The following MSRA variants were observed in gnomAD, a reference collection of about 807,000 sequenced individuals.
MSRA encodes methionine sulfoxide reductase A, also known as mitochondrial peptide methionine sulfoxide reductase.
Under a neutral mutation model 31.3 loss-of-function variants are expected in MSRA, and 54 were observed. The ratio of observed to expected loss-of-function variants is 1.73; its 90% confidence interval spans 1.39 to 2.17. MSRA has a LOEUF of 2.17. MSRA is among the 30% of genes most tolerant of loss of function. The pLI is 0.00. For missense variants in MSRA, 507 were observed against 300.9 expected (o/e 1.69, Z -5.07); for synonymous variants, 169 against 116.5 (o/e 1.45, Z -2.90).
At chr8:10,093,724 C>T in intron 1 of MSRA, among the ~76,000 whole-genome samples, 1 of 152,064 alleles carries the variant, frequency 6.6e-6, no homozygotes, top group Non-Finnish European at 1.5e-5. Flanking sequence ...TCCTATATTT[C>T]TTCATTGATT....
intron 1 of MSRA, among the ~76,000 whole-genome samples, chr8:10,093,029 G>A (rs945407945): frequency 2.0e-5 from 3 of 151,960 alleles, no homozygotes; most frequent in Admixed American, 6.6e-5. Context: ...TTTTTGCATG[G>A]TATATATATT....
chr8:10,226,161 G>A (rs1810982612), intron 2 of MSRA, among the ~76,000 whole-genome samples: 2 of 152,166 alleles, frequency 1.3e-5, no homozygotes, highest in African/African-American at 4.8e-5. Context: ...CTGTTCAGGT[G>A]ACTATAGGGG....
chr8:10,055,675 G>T lies in MSRA; in HGVS notation c.142+1017G>T, dbSNP rs191684054. ...ATTAAGTGATGTTTAATCTACACATGGCTCAATGCCAGAGAAATTCAGCAT... is the reference window on the plus strand; with the variant it reads ...ATTAAGTGATGTTTAATCTACACATTGCTCAATGCCAGAGAAATTCAGCAT... On this transcript the variant is annotated intron_variant, in intron 1 of 5. Coordinates refer to ENST00000317173, the MANE Select transcript of MSRA (RefSeq NM_012331.5). Among the ~76,000 whole-genome samples the T allele has an allele frequency of 1.6e-3, 248 of 152,380 alleles. 1 individual carries two copies. The highest frequency in any genetic ancestry group is 9.7e-4 in the Non-Finnish European group (66 of 68,042).
chr8:10,055,501 C>T (rs1460713602), intron 1 of MSRA, among the ~76,000 whole-genome samples: 1 of 152,236 alleles, frequency 6.6e-6, no homozygotes, highest in Non-Finnish European at 1.5e-5. Flanking sequence ...CCTGCCGCAG[C>T]AGCAGCAGCA....
chr8:10,330,538 C>G (rs1484754062), intron 5 of MSRA, among the ~76,000 whole-genome samples: 3 of 152,156 alleles, frequency 2.0e-5, no homozygotes, highest in African/African-American at 7.2e-5. Context: ...TGTACAGATT[C>G]ATTGCCAGAC....
chr8:10,192,756 A>G (rs1807621553), intron 1 of MSRA, among the ~76,000 whole-genome samples: 1 of 152,256 alleles, frequency 6.6e-6, no homozygotes, highest in Non-Finnish European at 1.5e-5. Context: ...TCACTGAAAC[A>G]GTATTCTGTA....
intron 5 of MSRA, among the ~76,000 whole-genome samples, chr8:10,323,672 T>C (rs1362061159): frequency 6.6e-6 from 1 of 152,016 alleles, no homozygotes; most frequent in East Asian, 1.9e-4. Flanking sequence ...TTTGTAGAGG[T>C]TAATCTTGTA....
chr8:10,070,544 T>G (rs893595511), intron 1 of MSRA, among the ~76,000 whole-genome samples: 13 of 152,242 alleles, frequency 8.5e-5, no homozygotes, highest in African/African-American at 2.9e-4. Flanking sequence ...CTTGCAAAAC[T>G]ATAGTACGTC....
At chr8:10,196,590 C>T (rs1808009029) in intron 1 of MSRA, among the ~76,000 whole-genome samples, 1 of 152,096 alleles carries the variant, frequency 6.6e-6, no homozygotes, top group Non-Finnish European at 1.5e-5. Flanking sequence ...CGCTCTGTCA[C>T]CCAGGCTGGA....
At chr8:10,181,465 A>G (rs930876556) in intron 1 of MSRA, among the ~76,000 whole-genome samples, 6 of 151,040 alleles carry the variant, frequency 4.0e-5, no homozygotes, top group Non-Finnish European at 8.8e-5. Context: ...AAACAATGGG[A>G]GAGGAAATGA....
At position 10,427,485 on chromosome 8, in the gene MSRA, C is replaced by G. The variant is rs562137891; in HGVS notation, c.544-663C>G. ...GCCACAGGCCACATCCTGCCCTGCC[C>G]TGACTCCCCAGGCTCCCTGGCCTGG... On this transcript the variant is annotated intron_variant, in intron 5 of 5. Transcript: ENST00000317173. 3.0e-4 allele frequency among the ~76,000 whole-genome samples: 45 copies of G among 152,326 alleles called. 2 individuals are homozygous for G. In the South Asian group the frequency reaches 7.9e-3, roughly 27 times the overall value.
At chr8:10,416,528 G>A (rs1043125538) in intron 5 of MSRA, among the ~76,000 whole-genome samples, 7 of 152,230 alleles carry the variant, frequency 4.6e-5, no homozygotes, top group African/African-American at 1.4e-4. Flanking sequence ...GTGGCAAAGG[G>A]TGGACAAGTA....
chr8:10,149,408 G>A (rs1328157158), intron 1 of MSRA, among the ~76,000 whole-genome samples: 4 of 152,222 alleles, frequency 2.6e-5, no homozygotes, highest in Non-Finnish European at 5.9e-5. Context: ...ACAGGCGTGA[G>A]CCACCGCGCC....
intron 5 of MSRA, among the ~76,000 whole-genome samples, chr8:10,379,718 A>G (rs1447421475): frequency 6.6e-6 from 1 of 152,218 alleles, no homozygotes; most frequent in South Asian, 2.1e-4. Context: ...TTTTGTTAGG[A>G]TAAATTCCTA....
At chr8:10,379,692 C>A (rs7820897) in intron 5 of MSRA, among the ~76,000 whole-genome samples, 152,037 of 152,300 alleles carry the variant, frequency 1, 75,889 homozygotes, top group Middle Eastern at 1. Flanking sequence ...GGGCCACGTA[C>A]ATAACACTAA....
chr8:10,065,152 C>T (rs922727815), intron 1 of MSRA, among the ~76,000 whole-genome samples: 3 of 152,142 alleles, frequency 2.0e-5, no homozygotes, highest in African/African-American at 7.2e-5. Flanking sequence ...GCTTACCATT[C>T]AGCATTCCTC....
At chr8:10,345,583 C>T (rs983816222) in intron 5 of MSRA, among the ~76,000 whole-genome samples, 1 of 152,104 alleles carries the variant, frequency 6.6e-6, no homozygotes, top group Non-Finnish European at 1.5e-5. Flanking sequence ...GAGGACTATA[C>T]CAATGGGATA....
At chr8:10,418,844 A>C (rs1585737742) in intron 5 of MSRA, among the ~76,000 whole-genome samples, 2 of 2,554 alleles carry the variant, frequency 7.8e-4, no homozygotes, top group African/African-American at 8.8e-4. Context: ...AAAAACCAAC[A>C]AAAAAAAAAA....
intron 5 of MSRA, among the ~76,000 whole-genome samples, chr8:10,352,263 A>T (rs915489751): frequency 1.3e-5 from 2 of 152,224 alleles, no homozygotes; most frequent in African/African-American, 4.8e-5. Context: ...ATATATAAAA[A>T]CATATAGATA....
Sources: gnomAD v4.1 joint callset for allele counts (sites outside exome capture counted in the v4.1 genomes callset) on GRCh38, gnomAD v4.1.1 for gene constraint, MANE v1.5 for transcripts, NCBI Gene and HGNC (gene_info 2026-07-23, HGNC 2026-07-21) for gene names.